The following USP11 variants were observed in gnomAD, a reference collection of about 807,000 sequenced individuals.
USP11 encodes ubiquitin carboxyl-terminal hydrolase 11.
A neutral mutation model predicts 72.8 loss-of-function variants in USP11; 5 were observed. The ratio of observed to expected loss-of-function variants is 0.07; its 90% CI spans 0.04 to 0.14. The LOEUF is 0.14. Among genes scored for constraint, USP11 ranks in the 10% least tolerant of loss-of-function variants. USP11 has a pLI of 1.00. For synonymous variants in USP11, 368 were observed against 326.5 expected (o/e 1.13, Z -1.37); for missense variants, 480 against 794.7 (o/e 0.60, Z 4.76).
At chrX:47,243,631 G>T in intron 13 of USP11, 29 bp downstream of exon 13, 1 of 1,196,302 alleles carries the variant, frequency 8.4e-7, no homozygotes, top group South Asian at 1.8e-5. Flanking sequence ...GGGGGTGGGG[G>T]GCGGAGGGGT....
intron 17 of USP11, 45 bp from the exon 18 acceptor site, chrX:47,247,027 A>G (rs768109592): frequency 1.1e-5 from 13 of 1,158,612 alleles, no homozygotes; most frequent in South Asian, 4.1e-5. Flanking sequence ...TCTCAAAAAA[A>G]AAAAAAAGAA....
intron 7 of USP11, 127 bp downstream of exon 7, chrX:47,241,003 C>G (rs1474656374): frequency 1.4e-6 from 1 of 712,458 alleles, no homozygotes; most frequent in Admixed American, 3.2e-5. Flanking sequence ...TGAGGCCCCA[C>G]AAGTCTGAAG....
intron 1 of USP11, among the ~76,000 whole-genome samples, chrX:47,235,657 C>T (rs1008366711): frequency 3.6e-5 from 4 of 110,147 alleles, no homozygotes; most frequent in Non-Finnish European, 5.7e-5. Flanking sequence ...TCTTGCTGTT[C>T]CTCAAACACA....
At chrX:47,236,934 C>T (rs936897532) in intron 1 of USP11, among the ~76,000 whole-genome samples, 1 of 111,738 alleles carries the variant, frequency 8.9e-6, no homozygotes. Context: ...ATCCTGATTT[C>T]AGAGATGTTA....
chrX:47,244,899 C>T lies in USP11; in HGVS notation c.2061C>T (p.Arg687=). 1 of 1,211,946 alleles carries T rather than the reference C, an allele frequency of 8.3e-7. No homozygotes were observed. The highest frequency in any genetic ancestry group is 1.1e-6 in the Non-Finnish European group (1 of 895,559). The change falls in exon 15 of 21, where the codon CGC becomes CGT. Residue 687 remains arginine (R), a synonymous_variant. Coordinates refer to ENST00000377107, the MANE Select transcript of USP11 (RefSeq NM_001371072.1). ...QTVNSNGTSD[R]TTSPEEVHAQ... is the part of the protein sequence containing the mutation. ...TGAACTCCAATGGGACCAGCGACCG[C>T]ACAACCTCCCCTGAAGAAGTCCATG...
Position 47,247,697 on chromosome X carries a change from G to A in USP11, c.2623G>A (p.Glu875Lys), listed in dbSNP as rs142646366. 1 of 1,210,803 alleles carries A rather than the reference G, an allele frequency of 8.3e-7. No homozygotes were observed. The highest frequency in any genetic ancestry group is 1.1e-6 in the Non-Finnish European group (1 of 895,116). Residue 875 changes from glutamate to lysine, a missense_variant and splice_region_variant, in exon 20 of 21, where the codon GAG becomes AAG. Glu to Lys is a moderately conservative substitution (Grantham distance 56). Around this residue, in one of 5 missense-constraint regions of USP11, gnomAD observed 314 missense variants for 556.0 expected, o/e 0.56. Transcript: ENST00000377107. ...SVSPVNENQIESKAAYVLFYQ... is the reference protein window; with the variant it reads ...SVSPVNENQIKSKAAYVLFYQ... ...CTCCCCTGTCAATGAGAATCAGATC[G>A]AGGTGTGACTTCCATCCTACCTCCT...
chrX:47,240,683 C>A, intron 6 of USP11, 35 bp downstream of exon 6: 1 of 1,208,745 alleles, frequency 8.3e-7, no homozygotes, highest in Non-Finnish European at 1.1e-6. Flanking sequence ...AGAGCGGGGG[C>A]GTCCCACAGT....
At position 47,247,296 on chromosome X, in the gene USP11, A is replaced by G. The variant is rs777249195; in HGVS notation, c.2421-8A>G. 1.2e-5 allele frequency: 15 copies of G among 1,209,364 alleles called. No homozygotes were observed. On this transcript the variant is annotated splice_region_variant and splice_polypyrimidine_tract_variant and intron_variant, in intron 18 of 20. Transcript: ENST00000377107. ...GTGTACCAGTATTAACCCTCTCCCC[A>G]CCCACAGGGACCTGGACTTCTCTGA...
chrX:47,247,681 C>T lies in USP11; in HGVS notation c.2607C>T (p.Val869=). 1 of 1,211,256 alleles carries T rather than the reference C, an allele frequency of 8.3e-7. No individual in the cohort carries two copies. The highest frequency in any genetic ancestry group is 1.8e-5 in the South Asian group (1 of 56,931). The change falls in exon 20 of 21, where the codon GTC becomes GTT. Residue 869 remains valine, a synonymous_variant. Transcript: ENST00000377107. ...HYFDDNSVSP[V]NENQIESKAA... is the part of the protein sequence containing the mutation. Reference sequence around the variant, plus strand: ...TTGATGACAACAGCGTCTCCCCTGTCAATGAGAATCAGATCGAGGTGTGAC... The same window carrying T: ...TTGATGACAACAGCGTCTCCCCTGTTAATGAGAATCAGATCGAGGTGTGAC...
At position 47,247,088 on chromosome X, in the gene USP11, A is replaced by G; in HGVS notation, c.2287A>G (p.Lys763Glu). 8.3e-7 allele frequency: 1 copy of G among 1,211,032 alleles called. No homozygotes were observed. Among genetic ancestry groups the G allele is most frequent in the Non-Finnish European group, 1.1e-6 (1 of 895,326 alleles). Residue 763 changes from lysine to glutamate, a missense_variant, in exon 18 of 21, where the codon AAG becomes GAG. By Grantham distance (56) the Lys-to-Glu change is moderately conservative (BLOSUM62 1). Coordinates refer to ENST00000377107, the MANE Select transcript of USP11 (RefSeq NM_001371072.1). ...TGTCTGTAGGTACTGCCCTTCCTGC[A>G]AGCAGCACCAGCTGGCAACCAAGAA... The part of the protein sequence containing the change: ...KENPWYCPSC[K>E]QHQLATKKLD...
rs1287500685 is a variant in USP11, at chrX:47,240,825, C to T, written c.795C>T (p.Ile265=). 1.7e-6 allele frequency: 2 copies of T among 1,211,978 alleles called. No homozygotes were observed. Among genetic ancestry groups the T allele is most frequent in the Non-Finnish European group, 2.2e-6 (2 of 895,503 alleles). The change falls in exon 7 of 21, where the codon ATC becomes ATT. Residue 265 remains isoleucine (I), a synonymous_variant. Coordinates refer to ENST00000377107, the MANE Select transcript of USP11 (RefSeq NM_001371072.1). ...AGGACTTCAAGGGTCAGCCAGGCAT[C>T]TGTGGCCTCACCAATCTGGGCAACA... ...EDEDFKGQPG[I]CGLTNLGNTC...
chrX:47,238,740 C>T (rs920271136), intron 1 of USP11, among the ~76,000 whole-genome samples: 5 of 110,972 alleles, frequency 4.5e-5, no homozygotes, highest in African/African-American at 1.3e-4. Flanking sequence ...GGTTATCCCA[C>T]AGACTAATTC....
intron 7 of USP11, 116 bp downstream of exon 7, chrX:47,240,992 C>A: frequency 1.3e-6 from 1 of 754,992 alleles, no homozygotes; most frequent in Non-Finnish European, 1.9e-6. Flanking sequence ...AGGATGAAAG[C>A]TGAGGCCCCA....
intron 17 of USP11, among the ~76,000 whole-genome samples, chrX:47,246,236 C>G (rs768899717): frequency 5.4e-4 from 61 of 112,406 alleles, no homozygotes; most frequent in Non-Finnish European, 9.9e-4. Context: ...AGGGTGAAGA[C>G]TTAAGTTCAC....
At chrX:47,238,972 T>A in intron 1 of USP11, 98 bp from the exon 2 acceptor site, 2 of 533,756 alleles carry the variant, frequency 3.7e-6, no homozygotes, top group Non-Finnish European at 6.0e-6. Flanking sequence ...CATCTTAAAT[T>A]ATAATGTGTC....
chrX:47,234,495 C>A (rs150713722), intron 1 of USP11, among the ~76,000 whole-genome samples: 200 of 111,275 alleles, frequency 1.8e-3, no homozygotes, highest in African/African-American at 5.5e-3. Flanking sequence ...AAAATAATAT[C>A]CTTGTTTATA....
At chrX:47,240,965 C>A in intron 7 of USP11, 89 bp downstream of exon 7, 1 of 939,887 alleles carries the variant, frequency 1.1e-6, no homozygotes. Context: ...CCTGAGGGGA[C>A]TACAGGGCAA....
Position 47,247,174 on chromosome X carries a change from C to A in USP11, c.2373C>A (p.Thr791=). ...TCCACCTGAAACGCTTTTCCTACAC[C>A]AAGTTCTCCCGAGAGAAGCTGGACA... ...LIIHLKRFSY[T]KFSREKLDTL... Residue 791 remains threonine (T), a synonymous_variant, in exon 18 of 21, where the codon ACC becomes ACA. Transcript: ENST00000377107. The A allele has an allele frequency of 8.3e-7, 1 of 1,211,320 alleles. No individual in the cohort carries two copies. The highest frequency in any genetic ancestry group is 2.2e-5 in the Admixed American group (1 of 45,959).
At position 47,247,111 on chromosome X, in the gene USP11, G is replaced by A; in HGVS notation, c.2310G>A (p.Lys770=). ...PSCKQHQLAT[K]KLDLWMLPEI... Reference sequence around the variant, plus strand: ...GCAAGCAGCACCAGCTGGCAACCAAGAAGCTGGACCTGTGGATGCTGCCGG... The same window carrying A: ...GCAAGCAGCACCAGCTGGCAACCAAAAAGCTGGACCTGTGGATGCTGCCGG... The change falls in exon 18 of 21, where the codon AAG becomes AAA. Residue 770 remains lysine, a synonymous_variant. Coordinates refer to ENST00000377107, the MANE Select transcript of USP11 (RefSeq NM_001371072.1). 8.3e-7 allele frequency: 1 copy of A among 1,211,504 alleles called. No homozygotes were observed. The highest frequency in any genetic ancestry group is 2.3e-4 in the Middle Eastern group (1 of 4,349).
Sources: allele counts gnomAD v4.1 joint callset (sites outside exome capture counted in the v4.1 genomes callset), GRCh38; gene constraint gnomAD v4.1.1; regional missense constraint gnomAD v4.1.1; transcripts MANE v1.5; gene names NCBI Gene and HGNC (gene_info 2026-07-23, HGNC 2026-07-21).